The following NHSL1 variants were observed in gnomAD, a reference collection of about 807,000 sequenced individuals.
NHSL1 encodes NHS-like protein 1.
Under a neutral mutation model 95.0 loss-of-function variants are expected in NHSL1, and 48 were observed. The ratio of observed to expected loss-of-function variants is 0.51; its 90% CI spans 0.40 to 0.64. The LOEUF (loss-of-function observed/expected upper bound fraction) is 0.64. Ranked by LOEUF, NHSL1 falls within the 30% of genes least tolerant of loss-of-function variation. The pLI is 0.00. For missense variants in NHSL1, 1,971 were observed against 2,077.7 expected (o/e 0.95, Z 1.00); for synonymous variants, 783 against 833.9 (o/e 0.94, Z 1.05).
intron 1 of NHSL1, among the ~76,000 whole-genome samples, chr6:138,675,066 C>G (rs918642855): frequency 6.6e-6 from 1 of 151,910 alleles, no homozygotes; most frequent in Non-Finnish European, 1.5e-5. Flanking sequence ...AAAAAATCCC[C>G]CAGGAAAAAA....
chr6:138,461,537 C>CT (rs1272015752), intron 3 of NHSL1, among the ~76,000 whole-genome samples: 2 of 152,110 alleles, frequency 1.3e-5, no homozygotes, highest in Non-Finnish European at 2.9e-5. Context: ...ATGTCAAATG[C>CT]TGAGAGGTTG....
At chr6:138,553,124 TA>T (rs1268146771) in intron 1 of NHSL1, among the ~76,000 whole-genome samples, 1 of 152,216 alleles carries the variant, frequency 6.6e-6, no homozygotes, top group Admixed American at 6.5e-5. Flanking sequence ...GGATAAATCC[TA>T]AATTCCTCAT....
intron 1 of NHSL1, among the ~76,000 whole-genome samples, chr6:138,640,691 T>C (rs1042964503): frequency 5.9e-4 from 90 of 152,352 alleles, no homozygotes; most frequent in African/African-American, 2.1e-3. Context: ...GTAAGGCTTC[T>C]GGTCAACAGA....
At chr6:138,541,733 G>A (rs763638974) in intron 1 of NHSL1, among the ~76,000 whole-genome samples, 3 of 152,116 alleles carry the variant, frequency 2.0e-5, no homozygotes, top group African/African-American at 4.8e-5. Flanking sequence ...GAAAGAAGCC[G>A]AATCGATTAA....
intron 1 of NHSL1, among the ~76,000 whole-genome samples, chr6:138,498,327 A>G (rs1354566530): frequency 6.6e-6 from 1 of 152,194 alleles, no homozygotes; most frequent in Non-Finnish European, 1.5e-5. Context: ...CACAGCTACC[A>G]ACTGGCTCCT....
chr6:138,640,069 C>T (rs1353972519), intron 1 of NHSL1, among the ~76,000 whole-genome samples: 5 of 151,860 alleles, frequency 3.3e-5, no homozygotes, highest in African/African-American at 9.7e-5. Context: ...ATTGGTAAAG[C>T]GCTGCACATT....
At chr6:138,678,580 A>T (rs1785476221) in intron 1 of NHSL1, among the ~76,000 whole-genome samples, 1 of 152,248 alleles carries the variant, frequency 6.6e-6, no homozygotes. Context: ...ATTAAAACAT[A>T]AAATTATGCA....
In NHSL1 at chr6:138,423,811, T is replaced by G; in HGVS notation, c.*270A>C. On this transcript the variant is annotated 3_prime_UTR_variant, in exon 8 of 8. Coordinates refer to ENST00000343505, the MANE Select transcript of NHSL1 (RefSeq NM_001144060.2). ...AAATGCACACATACACACCCAGCAT[T>G]TAGCAAAAAAAAAAAAAAAAAAAAA... 2 of 305,780 alleles carry G rather than the reference T, an allele frequency of 6.5e-6. No individual in the cohort carries two copies. The highest frequency in any genetic ancestry group is 1.1e-5 in the Non-Finnish European group (2 of 179,516). 18.9% of individuals were successfully genotyped at this position (305,780 alleles called of 1,614,324 possible). A position where few individuals can be genotyped will look rare whatever the true frequency, so the allele number is the denominator to read the frequency against.
intron 1 of NHSL1, among the ~76,000 whole-genome samples, chr6:138,673,512 A>G (rs77652318): frequency 2.5e-3 from 378 of 152,250 alleles, no homozygotes; most frequent in African/African-American, 8.5e-3. Context: ...CAACAGAGAT[A>G]GGGAGGCCCA....
chr6:138,676,866 G>C (rs1466030619), intron 1 of NHSL1, among the ~76,000 whole-genome samples: 1 of 152,144 alleles, frequency 6.6e-6, no homozygotes. Context: ...TGTTGGACAG[G>C]CTGGCCTCAA....
chr6:138,426,465 G>GTATT lies in NHSL1; in HGVS notation c.4086-1653_4086-1650dup, dbSNP rs372127853. Among the ~76,000 whole-genome samples the GTATT allele has an allele frequency of 1.9e-3, 283 of 152,278 alleles. 4 individuals are homozygous for GTATT. Among genetic ancestry groups the GTATT allele is most frequent in the African/African-American group, 6.6e-3 (274 of 41,564 alleles). ...TGGACAAGTTAACATTTCTGACTGT[G>GTATT]TATTTTTCCTATCACCAAAAGGGGA... On this transcript the variant is annotated intron_variant, in intron 7 of 7. Transcript: ENST00000343505.
At chr6:138,510,260 A>T (rs557183252) in intron 1 of NHSL1, among the ~76,000 whole-genome samples, 1 of 152,334 alleles carries the variant, frequency 6.6e-6, no homozygotes, top group East Asian at 1.9e-4. Context: ...TGCTACAATT[A>T]ATCGGCTGGT....
intron 1 of NHSL1, among the ~76,000 whole-genome samples, chr6:138,582,489 T>G (rs1349374434): frequency 6.6e-6 from 1 of 152,242 alleles, no homozygotes; most frequent in Non-Finnish European, 1.5e-5. Flanking sequence ...CACCCTGTTC[T>G]AGACAGATCA....
chr6:138,535,092 A>G lies in NHSL1; in HGVS notation c.16+10531T>C, dbSNP rs182262709. 6.2e-4 allele frequency among the ~76,000 whole-genome samples: 94 copies of G among 152,298 alleles called. 4 individuals are homozygous for G. In the East Asian group the frequency reaches 0.014, roughly 23 times the overall value. On this transcript the variant is annotated intron_variant, in intron 1 of 4. Transcript: ENST00000342260. ...GGCACGATATCGCTGGTCTTAAAAG[A>G]TCTACTCTGGCTACTGGGTTGAAAG...
intron 1 of NHSL1, among the ~76,000 whole-genome samples, chr6:138,559,819 G>A (rs1783345180): frequency 6.6e-6 from 1 of 152,292 alleles, no homozygotes; most frequent in Non-Finnish European, 1.5e-5. Context: ...AGAAAACAGA[G>A]TACCATATGT....
Position 138,431,331 on chromosome 6 carries a change from G to A in NHSL1, c.3014C>T (p.Pro1005Leu). The A allele has an allele frequency of 6.6e-7, 1 of 1,523,706 alleles. No homozygotes were observed. The highest frequency in any genetic ancestry group is 8.8e-7 in the Non-Finnish European group (1 of 1,132,720). 94.4% of individuals were successfully genotyped at this position (1,523,706 alleles called of 1,614,324 possible). A position where few individuals can be genotyped will look rare whatever the true frequency, so the allele number is the denominator to read the frequency against. ...AGGTGGGGGCAATGGCAAGGACACAGGTGAATCTGGAAGAATGGGGCTCAG... is the reference window on the plus strand; with the variant it reads ...AGGTGGGGGCAATGGCAAGGACACAAGTGAATCTGGAAGAATGGGGCTCAG... ...PALSPILPDSPVSLPLPPPLL... is the reference protein window; with the variant it reads ...PALSPILPDSLVSLPLPPPLL... The change falls in exon 6 of 8, where the codon CCT becomes CTT. Residue 1005 changes from proline (P) to leucine (L), a missense_variant. By Grantham distance (98) the Pro-to-Leu change is moderately conservative. Transcript: ENST00000343505. The surrounding 1 kb of genome is among the most constrained non-coding windows in gnomAD (Gnocchi z 4.0).
chr6:138,670,409 A>G (rs7740657), intron 1 of NHSL1, among the ~76,000 whole-genome samples: 4,631 of 151,046 alleles, frequency 0.031, 187 homozygotes, highest in African/African-American at 0.091. Flanking sequence ...GCTCACGCCT[A>G]TAATCCCAGC....
chr6:138,629,242 T>C (rs554336852), intron 1 of NHSL1, among the ~76,000 whole-genome samples: 4 of 152,356 alleles, frequency 2.6e-5, no homozygotes, highest in South Asian at 2.1e-4. Context: ...GAAGCTACTA[T>C]GTTGGACAAC....
chr6:138,594,103 T>TG (rs2114534920), intron 1 of NHSL1, among the ~76,000 whole-genome samples: 1 of 152,240 alleles, frequency 6.6e-6, no homozygotes, highest in South Asian at 2.1e-4. Flanking sequence ...AGGGATGTGG[T>TG]GGGGGTCAGT....
Sources: gnomAD v4.1 joint callset for allele counts (sites outside exome capture counted in the v4.1 genomes callset) on GRCh38, gnomAD v4.1.1 for gene constraint, Gnocchi (gnomAD v3.1) non-coding constraint, MANE v1.5 for transcripts, NCBI Gene and HGNC (gene_info 2026-07-23, HGNC 2026-07-21) for gene names.